B4GALT5: variants seen among roughly 807,000 people sequenced by gnomAD.
B4GALT5 encodes the protein UDP-Gal:beta-GlcNAc beta-1,4-galactosyltransferase 5.
A neutral mutation model predicts 45.0 loss-of-function variants in B4GALT5; 11 were observed. The observed-to-expected ratio is 0.24, with a 90% CI of 0.15 to 0.40. B4GALT5 has a LOEUF of 0.40. Ranked by LOEUF, B4GALT5 falls within the 10% of genes least tolerant of loss-of-function variation. The probability of loss-of-function intolerance (pLI) is 1.00; values close to 1 mark genes in which losing one functional copy is unlikely to be tolerated. For synonymous variants in B4GALT5, 185 were observed against 182.9 expected, an observed-to-expected ratio of 1.01 and a Z score of -0.09; for missense variants, 337 against 500.2, an observed-to-expected ratio of 0.67 and a Z score of 3.11.
At chr20:49,648,612 T>G (rs886760932) in intron 2 of B4GALT5, among the ~76,000 whole-genome samples, 1 of 152,188 alleles carries the variant, frequency 6.6e-6, no homozygotes, top group Admixed American at 6.5e-5. Flanking sequence ...CTACCAAGGT[T>G]TTTTGCTGTG....
At chr20:49,664,923 A>G (rs1295247841) in intron 1 of B4GALT5, among the ~76,000 whole-genome samples, 2 of 152,192 alleles carry the variant, frequency 1.3e-5, no homozygotes, top group African/African-American at 2.4e-5. Flanking sequence ...TGTAGAGCAT[A>G]TATTTATTGT....
chr20:49,671,722 A>G (rs1429145733), intron 1 of B4GALT5, among the ~76,000 whole-genome samples: 2 of 152,226 alleles, frequency 1.3e-5, no homozygotes, highest in African/African-American at 4.8e-5. Context: ...GCAGTAACCA[A>G]ATCTGTTTAA....
intron 1 of B4GALT5, among the ~76,000 whole-genome samples, chr20:49,709,798 G>A (rs990414125): frequency 2.0e-5 from 3 of 151,536 alleles, no homozygotes; most frequent in South Asian, 2.1e-4. Flanking sequence ...CAACGAAGTC[G>A]TATTTTTAAA....
intron 1 of B4GALT5, among the ~76,000 whole-genome samples, chr20:49,702,141 C>G (rs2085864656): frequency 6.6e-6 from 1 of 152,166 alleles, no homozygotes; most frequent in Non-Finnish European, 1.5e-5. Flanking sequence ...TCTTTTCATT[C>G]CTGTATGGCA....
intron 1 of B4GALT5, among the ~76,000 whole-genome samples, chr20:49,683,255 C>T (rs755412009): frequency 1.3e-5 from 2 of 152,210 alleles, no homozygotes; most frequent in African/African-American, 2.4e-5. Flanking sequence ...ACTATCTGCA[C>T]ATAAATGTGC....
chr20:49,676,219 C>A (rs902549741), intron 1 of B4GALT5, among the ~76,000 whole-genome samples: 1 of 151,862 alleles, frequency 6.6e-6, no homozygotes, highest in Non-Finnish European at 1.5e-5. Context: ...GTGTGTGTTA[C>A]AGGAAAGCTA....
At chr20:49,657,196 G>A (rs193132945) in intron 1 of B4GALT5, among the ~76,000 whole-genome samples, 1 of 152,312 alleles carries the variant, frequency 6.6e-6, no homozygotes, top group East Asian at 1.9e-4. Flanking sequence ...CCTTTTCAAA[G>A]TGGTAGACTG....
At chr20:49,687,542 G>T (rs2085791645) in intron 1 of B4GALT5, among the ~76,000 whole-genome samples, 1 of 152,128 alleles carries the variant, frequency 6.6e-6, no homozygotes, top group African/African-American at 2.4e-5. Context: ...TACTCGGGAG[G>T]CTGAGGCAGG....
intron 7 of B4GALT5, 143 bp downstream of exon 7, chr20:49,639,535 A>AT (rs1404250197): frequency 3.7e-5 from 49 of 1,307,616 alleles, no homozygotes; most frequent in Admixed American, 9.9e-5. Flanking sequence ...GGTCAATTTC[A>AT]TTTTTTTCCT....
intron 1 of B4GALT5, among the ~76,000 whole-genome samples, chr20:49,658,852 A>G (rs1173018243): frequency 6.6e-6 from 1 of 152,250 alleles, no homozygotes; most frequent in East Asian, 1.9e-4. Flanking sequence ...CCACTGCTCT[A>G]GGGAACTCTG....
intron 4 of B4GALT5, 91 bp downstream of exon 4, chr20:49,643,435 A>G (rs1472890132): frequency 4.0e-6 from 6 of 1,493,692 alleles, no homozygotes; most frequent in Non-Finnish European, 5.5e-6. Context: ...AAATGACAAA[A>G]TGTCATGGTT....
At chr20:49,699,568 AAT>A (rs2085853220) in intron 1 of B4GALT5, among the ~76,000 whole-genome samples, 1 of 152,182 alleles carries the variant, frequency 6.6e-6, no homozygotes, top group Non-Finnish European at 1.5e-5. Context: ...ACCAGATCTA[AAT>A]ACATTGCTTT....
chr20:49,707,344 C>T (rs934643297), intron 1 of B4GALT5, among the ~76,000 whole-genome samples: 4 of 151,902 alleles, frequency 2.6e-5, no homozygotes, highest in African/African-American at 7.3e-5. Flanking sequence ...CAAATATGTG[C>T]GCAAGAGTGC....
At chr20:49,707,238 CA>C (rs774627847) in intron 1 of B4GALT5, among the ~76,000 whole-genome samples, 1 of 152,108 alleles carries the variant, frequency 6.6e-6, no homozygotes. Context: ...AAAACATCAC[CA>C]AAGTCCTGGT....
intron 2 of B4GALT5, among the ~76,000 whole-genome samples, chr20:49,650,804 AC>A (rs1159811797): frequency 6.6e-6 from 1 of 152,164 alleles, no homozygotes; most frequent in Non-Finnish European, 1.5e-5. Context: ...GTGGGGTTAT[AC>A]CTTATCCCCT....
chr20:49,694,221 G>A (rs975420423), intron 1 of B4GALT5, among the ~76,000 whole-genome samples: 3 of 152,120 alleles, frequency 2.0e-5, no homozygotes, highest in Non-Finnish European at 2.9e-5. Flanking sequence ...GAGGCGATGT[G>A]CCTAGATGGG....
At chr20:49,684,539 G>A (rs1234004267) in intron 1 of B4GALT5, 1 of 514,550 alleles carries the variant, frequency 1.9e-6, no homozygotes, top group African/African-American at 1.9e-5. Flanking sequence ...CTCCAGCCTG[G>A]GCGATAGAGC....
chr20:49,661,258 T>TA (rs1468355657), intron 1 of B4GALT5, among the ~76,000 whole-genome samples: 8 of 152,254 alleles, frequency 5.3e-5, no homozygotes, highest in African/African-American at 1.4e-4. Flanking sequence ...TTTTTGGAGA[T>TA]AGAGTCTCCC....
chr20:49,673,394 C>T (rs2085724206), intron 1 of B4GALT5, among the ~76,000 whole-genome samples: 1 of 151,822 alleles, frequency 6.6e-6, no homozygotes. Flanking sequence ...AAAAAACAAC[C>T]AGAAAACTAG....
Sources: gnomAD v4.1 joint callset for allele counts (sites outside exome capture counted in the v4.1 genomes callset) on GRCh38, gnomAD v4.1.1 for gene constraint, MANE v1.5 for transcripts, NCBI Gene and HGNC (gene_info 2026-07-23, HGNC 2026-07-21) for gene names.